Variants in MAP4K3 observed in about 807,000 individuals in gnomAD.
The protein encoded by MAP4K3 is MAPK/ERK kinase kinase kinase 3.
MAP4K3 carries 94 observed loss-of-function variants against 143.5 expected under a neutral mutation model. The observed-to-expected ratio is 0.65, with a 90% CI of 0.55 to 0.78. The LOEUF is 0.78. Ranked by LOEUF, MAP4K3 falls within the 30% of genes least tolerant of loss-of-function variation. MAP4K3 has a pLI of 0.00. For synonymous variants in MAP4K3, 416 were observed against 347.2 expected, an observed-to-expected ratio of 1.20 and a Z score of -2.20; for missense variants, 1,077 against 1,068.1, an observed-to-expected ratio of 1.01 and a Z score of -0.12.
chr2:39,256,598 C>T (rs552972763), intron 31 of MAP4K3, among the ~76,000 whole-genome samples: 99 of 152,224 alleles, frequency 6.5e-4, no homozygotes, highest in African/African-American at 2.3e-3. Flanking sequence ...GGATAGTTTA[C>T]TATTTGATAA....
intron 15 of MAP4K3, among the ~76,000 whole-genome samples, chr2:39,300,243 G>A (rs1290162662): frequency 1.3e-5 from 2 of 152,050 alleles, no homozygotes; most frequent in Admixed American, 6.6e-5. Context: ...GCTGTTTCAC[G>A]CAGGTAACAA....
At chr2:39,415,980 AAT>A (rs1553318574) in intron 1 of MAP4K3, among the ~76,000 whole-genome samples, 1,201 of 14,756 alleles carry the variant, frequency 0.081, 122 homozygotes, top group African/African-American at 0.11. Context: ...AAAAAAAAAA[AAT>A]ATATATATAT....
At chr2:39,404,218 G>A (rs973777888) in intron 1 of MAP4K3, among the ~76,000 whole-genome samples, 25 of 152,026 alleles carry the variant, frequency 1.6e-4, no homozygotes, top group Admixed American at 3.3e-4. Flanking sequence ...AAGGGGACTT[G>A]GTCTTTCACC....
intron 26 of MAP4K3, among the ~76,000 whole-genome samples, chr2:39,269,470 C>CT (rs59479315): frequency 0.069 from 6,211 of 89,598 alleles, 748 homozygotes; most frequent in African/African-American, 0.18. Flanking sequence ...TTGCTCAGGT[C>CT]TTTTTTTTTT....
chr2:39,274,027 T>TAC (rs1322657464), intron 24 of MAP4K3, among the ~76,000 whole-genome samples: 1 of 152,200 alleles, frequency 6.6e-6, no homozygotes, highest in African/African-American at 2.4e-5. Flanking sequence ...TATCTGATAC[T>TAC]ACATCGATGG....
chr2:39,342,749 G>GA (rs1210249490), intron 4 of MAP4K3, among the ~76,000 whole-genome samples: 1 of 151,518 alleles, frequency 6.6e-6, no homozygotes, highest in Non-Finnish European at 1.5e-5. Flanking sequence ...CAAATTCTAT[G>GA]AAAAAATGAG....
chr2:39,363,184 A>G (rs1308192345), intron 2 of MAP4K3, among the ~76,000 whole-genome samples: 1 of 152,248 alleles, frequency 6.6e-6, no homozygotes, highest in Admixed American at 6.5e-5. Flanking sequence ...TTAAAAGCAC[A>G]GGCAACAAAA....
At chr2:39,432,524 T>C (rs895704378) in intron 1 of MAP4K3, among the ~76,000 whole-genome samples, 1 of 152,234 alleles carries the variant, frequency 6.6e-6, no homozygotes, top group Non-Finnish European at 1.5e-5. Context: ...TAAATAGAAG[T>C]GAGCATAACT....
chr2:39,403,865 A>C (rs1223008508), intron 1 of MAP4K3, among the ~76,000 whole-genome samples: 1 of 151,068 alleles, frequency 6.6e-6, no homozygotes, highest in Non-Finnish European at 1.5e-5. Context: ...AGAGGACTCT[A>C]ACCTGCATCT....
intron 1 of MAP4K3, among the ~76,000 whole-genome samples, chr2:39,416,390 G>A (rs1667381149): frequency 6.6e-6 from 1 of 152,074 alleles, no homozygotes; most frequent in African/African-American, 2.4e-5. Context: ...CTGCAATTCT[G>A]ACCCACTCCT....
In MAP4K3 at chr2:39,420,580, CT is replaced by C. The variant is rs1268859534; in HGVS notation, c.96+16311del. On this transcript the variant is annotated intron_variant, in intron 1 of 33. Coordinates refer to ENST00000263881, the MANE Select transcript of MAP4K3 (RefSeq NM_003618.4). ...TACAGGCATGTGCCACCATGCCTGG[CT>C]TTTTTTTTTTTTTAAGAGATGAGGT... Among the ~76,000 whole-genome samples, 696 of 139,204 alleles carry C rather than the reference CT, an allele frequency of 5.0e-3. 1 individual carries two copies. Among genetic ancestry groups the C allele is most frequent in the African/African-American group, 5.9e-3 (223 of 38,112 alleles). 91.3% of individuals were successfully genotyped at this position (139,204 alleles called of 152,430 possible).
At chr2:39,298,964 C>CA (rs371633915) in intron 16 of MAP4K3, among the ~76,000 whole-genome samples, 11,467 of 68,126 alleles carry the variant, frequency 0.17, 1,183 homozygotes, top group African/African-American at 0.36. Context: ...CACTCTGCCT[C>CA]AAAAAAAAAA....
chr2:39,322,588 G>A (rs955880432), intron 12 of MAP4K3, among the ~76,000 whole-genome samples: 12 of 87,608 alleles, frequency 1.4e-4, no homozygotes, highest in African/African-American at 5.5e-4. Context: ...CTTAGATGTG[G>A]TATATGTGTG....
intron 31 of MAP4K3, among the ~76,000 whole-genome samples, chr2:39,257,258 C>T (rs1349043017): frequency 6.6e-6 from 1 of 152,118 alleles, no homozygotes; most frequent in East Asian, 1.9e-4. Flanking sequence ...TGATTTTCAC[C>T]TTATTTTTCC....
chr2:39,426,164 AC>A (rs1484213913), intron 1 of MAP4K3, among the ~76,000 whole-genome samples: 4 of 152,212 alleles, frequency 2.6e-5, no homozygotes, highest in African/African-American at 9.6e-5. Flanking sequence ...CTGAGGATAC[AC>A]ATCACTATAA....
intron 31 of MAP4K3, among the ~76,000 whole-genome samples, chr2:39,255,135 T>C (rs1390324016): frequency 6.6e-6 from 1 of 152,214 alleles, no homozygotes; most frequent in African/African-American, 2.4e-5. Flanking sequence ...TATAAGTTTA[T>C]ACTATCAATA....
chr2:39,311,895 A>G (rs186671490), intron 13 of MAP4K3, among the ~76,000 whole-genome samples: 298 of 152,358 alleles, frequency 2.0e-3, no homozygotes, highest in African/African-American at 6.8e-3. Flanking sequence ...AGAATTCAAT[A>G]CCTTCAGACT....
At chr2:39,389,646 T>C (rs1666599890) in intron 1 of MAP4K3, among the ~76,000 whole-genome samples, 1 of 152,108 alleles carries the variant, frequency 6.6e-6, no homozygotes, top group Non-Finnish European at 1.5e-5. Context: ...GAAAAAAAGT[T>C]AAGTCAGTCT....
At chr2:39,390,353 A>G (rs919992198) in intron 1 of MAP4K3, among the ~76,000 whole-genome samples, 2 of 152,188 alleles carry the variant, frequency 1.3e-5, no homozygotes, top group Non-Finnish European at 2.9e-5. Context: ...TCAGCATGGA[A>G]ATTAAACAAC....
Sources: gnomAD v4.1 joint callset for allele counts (sites outside exome capture counted in the v4.1 genomes callset) on GRCh38, gnomAD v4.1.1 for gene constraint, MANE v1.5 for transcripts, NCBI Gene and HGNC (gene_info 2026-07-23, HGNC 2026-07-21) for gene names.